The following SKAP1 variants were observed in gnomAD, a reference collection of about 807,000 sequenced individuals.
SKAP1 encodes src kinase-associated phosphoprotein 1.
A neutral mutation model predicts 58.5 loss-of-function variants in SKAP1; 44 were observed. The ratio of observed to expected loss-of-function variants is 0.75; its 90% CI spans 0.59 to 0.97. The LOEUF (loss-of-function observed/expected upper bound fraction) is 0.97. SKAP1 is among the 50% of genes least tolerant of loss of function. SKAP1 has a pLI of 0.00. For missense variants in SKAP1, 390 were observed against 435.2 expected, an observed-to-expected ratio of 0.90 and a Z score of 0.92; for synonymous variants, 127 against 149.7, an observed-to-expected ratio of 0.85 and a Z score of 1.11.
intron 7 of SKAP1, among the ~76,000 whole-genome samples, chr17:48,183,229 C>A (rs2064393978): frequency 6.6e-6 from 1 of 152,154 alleles, no homozygotes; most frequent in Admixed American, 6.5e-5. Context: ...AGAAGACCAA[C>A]TGGTCCTCTG....
intron 1 of SKAP1, among the ~76,000 whole-genome samples, chr17:48,424,228 T>A (rs1265753105): frequency 0.1 from 599 of 5,836 alleles, 8 homozygotes; most frequent in African/African-American, 0.18. Context: ...CCTCTTTTTT[T>A]TTTTTTTTTT....
At chr17:48,288,276 C>A (rs1405412532) in intron 4 of SKAP1, among the ~76,000 whole-genome samples, 1 of 152,138 alleles carries the variant, frequency 6.6e-6, no homozygotes, top group Non-Finnish European at 1.5e-5. Context: ...TTTTAAATAG[C>A]AATAATTCTC....
At chr17:48,318,473 G>T (rs2066318404) in intron 4 of SKAP1, among the ~76,000 whole-genome samples, 1 of 152,112 alleles carries the variant, frequency 6.6e-6, no homozygotes, top group South Asian at 2.1e-4. Flanking sequence ...TACACAATTT[G>T]CTGTCATCAC....
chr17:48,254,374 A>G (rs2065399604), intron 4 of SKAP1, among the ~76,000 whole-genome samples: 1 of 152,184 alleles, frequency 6.6e-6, no homozygotes, highest in Admixed American at 6.6e-5. Flanking sequence ...GCTACTGAAC[A>G]TATTGATTTA....
At chr17:48,296,799 A>G (rs1169020684) in intron 4 of SKAP1, among the ~76,000 whole-genome samples, 1 of 152,090 alleles carries the variant, frequency 6.6e-6, no homozygotes, top group African/African-American at 2.4e-5. Context: ...ATTATTATAA[A>G]ATATTCAGAA....
At chr17:48,183,752 T>G (rs1307301619) in intron 7 of SKAP1, among the ~76,000 whole-genome samples, 1 of 152,072 alleles carries the variant, frequency 6.6e-6, no homozygotes, top group African/African-American at 2.4e-5. Context: ...TAGAAAAGTT[T>G]TAGTTCAAAT....
At chr17:48,171,520 G>A (rs1396737757) in intron 9 of SKAP1, among the ~76,000 whole-genome samples, 1 of 152,022 alleles carries the variant, frequency 6.6e-6, no homozygotes, top group Non-Finnish European at 1.5e-5. Context: ...GCAAGACATT[G>A]CACTAGGAAC....
chr17:48,262,597 T>A (rs1230450843), intron 4 of SKAP1, among the ~76,000 whole-genome samples: 1 of 152,242 alleles, frequency 6.6e-6, no homozygotes, highest in Non-Finnish European at 1.5e-5. Flanking sequence ...TGTAATCTCA[T>A]TGCATGAAGA....
intron 1 of SKAP1, among the ~76,000 whole-genome samples, chr17:48,415,430 T>C (rs1044967940): frequency 6.6e-5 from 10 of 152,140 alleles, no homozygotes; most frequent in Non-Finnish European, 8.8e-5. Flanking sequence ...TACAGAAATG[T>C]CCATTCTCTC....
intron 2 of SKAP1, among the ~76,000 whole-genome samples, chr17:48,375,917 G>A (rs1050041962): frequency 3.3e-5 from 5 of 152,176 alleles, no homozygotes; most frequent in African/African-American, 1.2e-4. Flanking sequence ...TTGAGAGCAA[G>A]AGAAAAGACA....
chr17:48,205,037 T>TTCTTTCTTTC (rs1567820039), intron 4 of SKAP1, among the ~76,000 whole-genome samples: 200 of 55,752 alleles, frequency 3.6e-3, no homozygotes, highest in African/African-American at 4.4e-3. Context: ...CTTTCTTTCT[T>TTCTTTCTTTC]TCTCTCTCTC....
At chr17:48,420,641 T>C (rs549399006) in intron 1 of SKAP1, among the ~76,000 whole-genome samples, 39 of 152,274 alleles carry the variant, frequency 2.6e-4, no homozygotes, top group Middle Eastern at 3.4e-3. Context: ...TGCATGACTG[T>C]AATGTAAACC....
intron 1 of SKAP1, among the ~76,000 whole-genome samples, chr17:48,429,839 A>G (rs767512502): frequency 6.6e-6 from 1 of 152,138 alleles, no homozygotes; most frequent in Non-Finnish European, 1.5e-5. Context: ...CGGGGAGGTG[A>G]AGTGGAGGCG....
intron 2 of SKAP1, among the ~76,000 whole-genome samples, chr17:48,386,305 C>T (rs1567893756): frequency 8.7e-6 from 1 of 115,370 alleles, no homozygotes. Context: ...CCATGCTAGA[C>T]CTTTTTTTTT....
At chr17:48,209,654 A>G (rs2064848772) in intron 4 of SKAP1, among the ~76,000 whole-genome samples, 1 of 152,170 alleles carries the variant, frequency 6.6e-6, no homozygotes, top group Admixed American at 6.5e-5. Flanking sequence ...ACTATGGCTG[A>G]ATTAGGGGCA....
At chr17:48,400,038 T>G (rs2067476384) in intron 1 of SKAP1, among the ~76,000 whole-genome samples, 1 of 151,864 alleles carries the variant, frequency 6.6e-6, no homozygotes, top group Admixed American at 6.6e-5. Flanking sequence ...AATAAAAGAG[T>G]TCAGCAACTT....
chr17:48,180,983 A>G (rs208011), intron 8 of SKAP1, among the ~76,000 whole-genome samples: 135,058 of 152,012 alleles, frequency 0.89, 60,064 homozygotes, highest in Admixed American at 0.92. Context: ...TGGGGAACTG[A>G]GAATGTTCAT....
chr17:48,431,503 A>G (rs536795066), upstream of SKAP1, among the ~76,000 whole-genome samples: 34 of 152,306 alleles, frequency 2.2e-4, no homozygotes, highest in Non-Finnish European at 3.2e-4. Context: ...GCCCTCTTTT[A>G]CTGGATGTTG....
chr17:48,211,287 A>T (rs56161855), intron 4 of SKAP1, among the ~76,000 whole-genome samples: 17,179 of 151,588 alleles, frequency 0.11, 1,210 homozygotes, highest in East Asian at 0.24. Context: ...ATTAAAAAAA[A>T]TTTTTTTTTA....
Sources: allele counts gnomAD v4.1 joint callset (sites outside exome capture counted in the v4.1 genomes callset), GRCh38; gene constraint gnomAD v4.1.1; transcripts MANE v1.5; gene names NCBI Gene and HGNC (gene_info 2026-07-23, HGNC 2026-07-21).